PRUNE2: variants seen among roughly 807,000 people sequenced by gnomAD.
PRUNE2 encodes the protein prune homolog 2 with BCH domain, also known as protein prune homolog 2.
In PRUNE2, 164 loss-of-function variants were observed where a neutral mutation model predicts 252.0. The ratio of observed to expected loss-of-function variants is 0.65; its 90% CI spans 0.57 to 0.74. PRUNE2 has a LOEUF of 0.74. PRUNE2 is among the 30% of genes least tolerant of loss of function. The pLI is 0.00. For synonymous variants in PRUNE2, 1,292 were observed against 1,350.2 expected (o/e 0.96, Z 0.94); for missense variants, 3,495 against 3,711.0 (o/e 0.94, Z 1.51).
At chr9:76,876,259 T>A (rs1244221913) in intron 1 of PRUNE2, among the ~76,000 whole-genome samples, 1 of 152,224 alleles carries the variant, frequency 6.6e-6, no homozygotes, top group Non-Finnish European at 1.5e-5. Context: ...TTGACTCAAG[T>A]GAATTACAGA....
chr9:76,695,936 A>G (rs1045169725), intron 9 of PRUNE2, among the ~76,000 whole-genome samples: 1 of 152,194 alleles, frequency 6.6e-6, no homozygotes, highest in Non-Finnish European at 1.5e-5. Flanking sequence ...GCAATAAAAT[A>G]AGGCAGAGAG....
At chr9:76,667,126 AG>A (rs1429061169) in intron 9 of PRUNE2, among the ~76,000 whole-genome samples, 2 of 152,232 alleles carry the variant, frequency 1.3e-5, no homozygotes, top group African/African-American at 4.8e-5. Flanking sequence ...TTAGAAATAT[AG>A]GTGATGCTTA....
At chr9:76,887,936 G>C (rs1383765546) in intron 1 of PRUNE2, among the ~76,000 whole-genome samples, 1 of 152,154 alleles carries the variant, frequency 6.6e-6, no homozygotes, top group Non-Finnish European at 1.5e-5. Flanking sequence ...GATGCCTGCT[G>C]ACCATCCCCA....
intron 6 of PRUNE2, among the ~76,000 whole-genome samples, chr9:76,757,943 C>A (rs2051310928): frequency 6.6e-6 from 1 of 152,130 alleles, no homozygotes; most frequent in Admixed American, 6.5e-5. Context: ...AACATGCATA[C>A]TAAAAACTTA....
In PRUNE2 at chr9:76,642,467, G is replaced by A. The variant is rs56365216; in HGVS notation, c.8728+2272C>T. ...CAGGTAGGACACCTGGCAGGGCCTG[G>A]CTTTGGGGCTAACTTCTGCAGCTCT... On this transcript the variant is annotated intron_variant, in intron 12 of 18. Coordinates refer to ENST00000376718, the MANE Select transcript of PRUNE2 (RefSeq NM_015225.3). 2.5e-3 allele frequency among the ~76,000 whole-genome samples: 386 copies of A among 152,312 alleles called. 2 individuals are homozygous for A. Among genetic ancestry groups the A allele is most frequent in the African/African-American group, 8.9e-3 (368 of 41,556 alleles).
At chr9:76,806,797 C>T (rs183457204) in intron 6 of PRUNE2, among the ~76,000 whole-genome samples, 24 of 151,638 alleles carry the variant, frequency 1.6e-4, no homozygotes, top group African/African-American at 5.8e-4. Flanking sequence ...GGATTACAGG[C>T]GTGAGCCACC....
At position 76,636,471 on chromosome 9, in the gene PRUNE2, C is replaced by T; in HGVS notation, c.9050G>A (p.Ser3017Asn). The T allele has an allele frequency of 1.3e-6, 2 of 1,489,362 alleles. No individual in the cohort carries two copies. The highest frequency in any genetic ancestry group is 2.4e-5 in the South Asian group (2 of 82,616). The allele number at this position is 1,489,362 out of a possible 1,614,324, so 92.3% of individuals were successfully genotyped here. ...TILAVTRPFI[S>N]SKFSSKIKYV... ...TATTTTATGACAACATTAACTGTAC[C>T]TTATAAAAGGTCGTGTCACAGCAAG... The change falls in exon 15 of 19, where the codon AGT becomes AAT. Residue 3017 changes from serine to asparagine, a missense_variant and splice_region_variant. Ser to Asn is a conservative substitution (Grantham distance 46, BLOSUM62 1). Coordinates refer to ENST00000376718, the MANE Select transcript of PRUNE2 (RefSeq NM_015225.3).
intron 9 of PRUNE2, among the ~76,000 whole-genome samples, chr9:76,671,633 T>C (rs1200030349): frequency 6.6e-6 from 1 of 151,760 alleles, no homozygotes; most frequent in Admixed American, 6.6e-5. Context: ...GAAGGAAAAA[T>C]GTTAAGGGAA....
At chr9:76,885,863 A>C (rs755365531) in intron 1 of PRUNE2, among the ~76,000 whole-genome samples, 5 of 151,920 alleles carry the variant, frequency 3.3e-5, no homozygotes, top group Non-Finnish European at 4.4e-5. Context: ...TTTTTATTAT[A>C]CTTTAAGTTT....
chr9:76,776,820 G>GTTT (rs200859225), intron 6 of PRUNE2, among the ~76,000 whole-genome samples: 55 of 128,980 alleles, frequency 4.3e-4, no homozygotes, highest in African/African-American at 1.0e-3. Flanking sequence ...CCAGCCAGCA[G>GTTT]TTTTTTTTTT....
chr9:76,837,716 T>C (rs546492837), intron 4 of PRUNE2, among the ~76,000 whole-genome samples: 58 of 152,046 alleles, frequency 3.8e-4, no homozygotes, highest in Non-Finnish European at 7.5e-4. Context: ...ATTAATCATA[T>C]TTTAATTTTT....
At chr9:76,786,341 C>T (rs2054976862) in intron 6 of PRUNE2, 1 of 152,208 alleles carries the variant, frequency 6.6e-6, no homozygotes, top group Non-Finnish European at 1.5e-5. Context: ...TAGATTTAAG[C>T]TCACACTGGT....
intron 15 of PRUNE2, among the ~76,000 whole-genome samples, chr9:76,629,555 T>C (rs1218551156): frequency 6.6e-6 from 1 of 152,168 alleles, no homozygotes; most frequent in Non-Finnish European, 1.5e-5. Flanking sequence ...GTATACGTTG[T>C]GGAATGGCTG....
At position 76,705,101 on chromosome 9, in the gene PRUNE2, C is replaced by T. The variant is rs764966070; in HGVS notation, c.7173G>A (p.Pro2391=). The part of the protein sequence containing the change: ...EEDSLKQSLA[P]YTPPFDLSYL... ...AAGACAAATCAAAGGGAGGTGTGTA[C>T]GGTGCCAGCGACTGCTTCAGAGAAT... Residue 2391 remains proline (P), a synonymous_variant, in exon 8 of 19, where the codon CCG becomes CCA. Coordinates refer to ENST00000376718, the MANE Select transcript of PRUNE2 (RefSeq NM_015225.3). 23 of 1,613,852 alleles carry T rather than the reference C, an allele frequency of 1.4e-5. No homozygotes were observed. The Middle Eastern group carries it at 1.2e-3, about 81-fold the overall frequency.
intron 1 of PRUNE2, among the ~76,000 whole-genome samples, chr9:76,898,145 A>G (rs1162133478): frequency 6.6e-6 from 1 of 152,212 alleles, no homozygotes; most frequent in Admixed American, 6.5e-5. Flanking sequence ...CTGGCTCCAC[A>G]TGATTAGCCG....
intron 6 of PRUNE2, among the ~76,000 whole-genome samples, chr9:76,769,538 G>A (rs2052853298): frequency 6.6e-6 from 1 of 152,110 alleles, no homozygotes; most frequent in South Asian, 2.1e-4. Flanking sequence ...TGATTCTCCT[G>A]CCTCAGCCTC....
intron 6 of PRUNE2, among the ~76,000 whole-genome samples, chr9:76,727,645 CT>C (rs577095894): frequency 0.084 from 6,082 of 72,700 alleles, 361 homozygotes; most frequent in African/African-American, 0.24. Flanking sequence ...TCTTCTTCTT[CT>C]TTTTTTTTTT....
chr9:76,770,940 G>A (rs1258370083), intron 6 of PRUNE2, among the ~76,000 whole-genome samples: 1 of 152,100 alleles, frequency 6.6e-6, no homozygotes, highest in Non-Finnish European at 1.5e-5. Context: ...TGAAAAAGAA[G>A]AATTAGTAAT....
intron 1 of PRUNE2, among the ~76,000 whole-genome samples, chr9:76,867,013 G>C (rs2060883186): frequency 6.6e-6 from 1 of 152,164 alleles, no homozygotes; most frequent in African/African-American, 2.4e-5. Flanking sequence ...CCTGGTATTA[G>C]TCAACCAAAT....
Sources: gnomAD v4.1 joint callset for allele counts (sites outside exome capture counted in the v4.1 genomes callset) on GRCh38, gnomAD v4.1.1 for gene constraint, MANE v1.5 for transcripts, NCBI Gene and HGNC (gene_info 2026-07-23, HGNC 2026-07-21) for gene names.